Variants in FBN2 observed in about 807,000 individuals in gnomAD.
FBN2 encodes the protein fibrillin-2.
Under a neutral mutation model 355.6 loss-of-function variants are expected in FBN2, and 105 were observed. The observed-to-expected ratio is 0.30, with a 90% CI of 0.25 to 0.35. FBN2 has a LOEUF of 0.35. Among genes scored for constraint, FBN2 ranks in the 10% least tolerant of loss-of-function variants. FBN2 has a pLI of 1.00. For missense variants in FBN2, 3,280 were observed against 3,758.7 expected (o/e 0.87, Z 3.33); for synonymous variants, 1,350 against 1,301.2 (o/e 1.04, Z -0.81).
chr5:128,259,538 GT>G lies in FBN2; in HGVS notation c.8655del (p.Lys2885AsnfsTer12). 1 of 1,614,048 alleles carries G rather than the reference GT, an allele frequency of 6.2e-7. No individual in the cohort carries two copies. Among genetic ancestry groups the G allele is most frequent in the Non-Finnish European group, 8.5e-7 (1 of 1,180,012 alleles). ...TAGTCATCCTCATTGCTCTCTTCCA[GT>G]TTCTTAAGCTCCTTCTTCTTGTAGA... The part of the protein sequence containing the change: ...IPLYKKKELK[K>X]LEESNEDDYL... On this transcript the variant is annotated frameshift_variant, in exon 65 of 65. Transcript: ENST00000262464. LOFTEE classifies it high-confidence loss of function.
intron 35 of FBN2, among the ~76,000 whole-genome samples, chr5:128,318,546 C>T (rs940004918): frequency 2.6e-5 from 4 of 151,654 alleles, no homozygotes; most frequent in Admixed American, 6.6e-5. Flanking sequence ...AATTATGTCA[C>T]TATTTGCTTA....
chr5:128,323,044 G>A (rs1750429597), intron 34 of FBN2, among the ~76,000 whole-genome samples: 1 of 152,114 alleles, frequency 6.6e-6, no homozygotes, highest in African/African-American at 2.4e-5. Flanking sequence ...TTGTGAATGG[G>A]AGTTCACTCA....
chr5:128,536,887 G>C (rs1756860880), intron 1 of FBN2, among the ~76,000 whole-genome samples: 1 of 151,952 alleles, frequency 6.6e-6, no homozygotes, highest in South Asian at 2.1e-4. Context: ...GTCAAGGAAA[G>C]CGCGTCGCAA....
At position 128,289,179 on chromosome 5, in the gene FBN2, G is replaced by A; in HGVS notation, c.6585C>T (p.Arg2195=). The change falls in exon 52 of 65, where the codon CGC becomes CGT. Residue 2195 remains arginine (R), a synonymous_variant. Coordinates refer to ENST00000262464, the MANE Select transcript of FBN2 (RefSeq NM_001999.4). ...GQCINTDGSF[R]CECPMGYNLD... The stretch of plus-strand genomic sequence containing the variant: ...GGTTGTAGCCCATTGGACATTCACA[G>A]CGAAAAGATCCGTCGGTGTTGATAC... The A allele has an allele frequency of 1.2e-6, 2 of 1,613,968 alleles. No individual in the cohort carries two copies. The highest frequency in any genetic ancestry group is 1.7e-6 in the Non-Finnish European group (2 of 1,179,798).
intron 6 of FBN2, among the ~76,000 whole-genome samples, chr5:128,459,601 T>C (rs992280827): frequency 2.6e-5 from 4 of 152,192 alleles, no homozygotes; most frequent in Admixed American, 6.5e-5. Flanking sequence ...AAAAAACTTA[T>C]CCACCACCAT....
At chr5:128,424,237 T>A (rs1753428425) in intron 7 of FBN2, among the ~76,000 whole-genome samples, 1 of 152,140 alleles carries the variant, frequency 6.6e-6, no homozygotes. Flanking sequence ...CGCAGGGATG[T>A]TTCAGTAAGA....
At chr5:128,376,394 AC>A (rs1752077716) in intron 14 of FBN2, among the ~76,000 whole-genome samples, 1 of 152,334 alleles carries the variant, frequency 6.6e-6, no homozygotes, top group African/African-American at 2.4e-5. Flanking sequence ...TGCATAAAAA[AC>A]AAAAACCTTT....
chr5:128,528,629 C>T (rs1756629792), intron 3 of FBN2, among the ~76,000 whole-genome samples: 1 of 152,106 alleles, frequency 6.6e-6, no homozygotes, highest in African/African-American at 2.4e-5. Context: ...TGGAGAGATT[C>T]CTGTGGTTAA....
chr5:128,336,999 G>C (rs116742758), intron 27 of FBN2, among the ~76,000 whole-genome samples: 36 of 152,040 alleles, frequency 2.4e-4, no homozygotes, highest in African/African-American at 8.5e-4. Flanking sequence ...ATTCTGCATT[G>C]TTCCTTTGGG....
intron 5 of FBN2, among the ~76,000 whole-genome samples, chr5:128,483,424 C>A (rs987013036): frequency 6.6e-6 from 1 of 151,930 alleles, no homozygotes; most frequent in Non-Finnish European, 1.5e-5. Flanking sequence ...TGAGAAGTGA[C>A]ATCCAACAAG....
At chr5:128,525,174 T>C (rs1756531359) in intron 4 of FBN2, among the ~76,000 whole-genome samples, 2 of 152,150 alleles carry the variant, frequency 1.3e-5, no homozygotes, top group Non-Finnish European at 2.9e-5. Context: ...CTCTGAAAGA[T>C]CAGTTGAGGC....
At chr5:128,284,015 TC>T (rs1485078204) in intron 55 of FBN2, among the ~76,000 whole-genome samples, 1 of 152,178 alleles carries the variant, frequency 6.6e-6, no homozygotes, top group Admixed American at 6.6e-5. Flanking sequence ...AATCTGAGCC[TC>T]CTTTTTCTCT....
chr5:128,400,253 T>G (rs1351327890), intron 8 of FBN2, among the ~76,000 whole-genome samples: 1 of 151,498 alleles, frequency 6.6e-6, no homozygotes, highest in African/African-American at 2.4e-5. Context: ...TATTTAGAAA[T>G]AGACCACAAA....
chr5:128,483,729 A>G (rs2409539), intron 5 of FBN2, among the ~76,000 whole-genome samples: 75,347 of 149,886 alleles, frequency 0.5, 21,965 homozygotes, highest in African/African-American at 0.82. Flanking sequence ...GTTGGCAATC[A>G]GGGGTGGGGG....
chr5:128,434,239 TAAGA>T (rs1437145914), intron 7 of FBN2, among the ~76,000 whole-genome samples: 2 of 151,386 alleles, frequency 1.3e-5, no homozygotes, highest in African/African-American at 4.9e-5. Flanking sequence ...AGTCTGGGAT[TAAGA>T]AAGAAAGACA....
intron 11 of FBN2, among the ~76,000 whole-genome samples, chr5:128,382,477 T>C (rs773697675): frequency 4.6e-5 from 7 of 152,084 alleles, no homozygotes; most frequent in Non-Finnish European, 8.8e-5. Flanking sequence ...ACAGTATTCA[T>C]CCTCATGGTT....
intron 50 of FBN2, 126 bp from the exon 51 acceptor site, chr5:128,290,073 A>C: frequency 1.4e-6 from 1 of 692,156 alleles, no homozygotes; most frequent in Non-Finnish European, 2.6e-6. Context: ...GTCTATAACA[A>C]GACTCTTTTA....
chr5:128,276,510 C>A (rs1765398070), intron 58 of FBN2, among the ~76,000 whole-genome samples: 1 of 152,166 alleles, frequency 6.6e-6, no homozygotes, highest in Admixed American at 6.6e-5. Context: ...TTCTTTTAAA[C>A]TCTCTTTACT....
chr5:128,533,843 C>T (rs967032093), intron 2 of FBN2, among the ~76,000 whole-genome samples: 20 of 151,502 alleles, frequency 1.3e-4, no homozygotes, highest in African/African-American at 4.6e-4. Context: ...TGTTTCATTG[C>T]TTCATGTTCT....
Sources: gnomAD v4.1 joint callset for allele counts (sites outside exome capture counted in the v4.1 genomes callset) on GRCh38, gnomAD v4.1.1 for gene constraint, MANE v1.5 for transcripts, NCBI Gene and HGNC (gene_info 2026-07-23, HGNC 2026-07-21) for gene names.